The following DPY19L3 variants were observed in gnomAD, a reference collection of about 807,000 sequenced individuals.
DPY19L3 encodes protein C-mannosyl-transferase DPY19L3.
DPY19L3 carries 51 observed loss-of-function variants against 92.3 expected under a neutral mutation model. The ratio of observed to expected loss-of-function variants is 0.55; its 90% CI spans 0.44 to 0.70. The LOEUF is 0.70. Ranked by LOEUF, DPY19L3 falls within the 30% of genes least tolerant of loss-of-function variation. DPY19L3 has a pLI of 0.00. For missense variants in DPY19L3, 706 were observed against 855.9 expected (o/e 0.82, Z 2.18); for synonymous variants, 309 against 315.2 (o/e 0.98, Z 0.21).
At chr19:32,431,912 C>A (rs1029063909) in intron 3 of DPY19L3, among the ~76,000 whole-genome samples, 4 of 152,060 alleles carry the variant, frequency 2.6e-5, no homozygotes, top group African/African-American at 9.7e-5. Flanking sequence ...ACCATCAATA[C>A]GGTGAAAAAA....
chr19:32,441,362 CAT>C lies in DPY19L3; in HGVS notation c.855+1454_855+1455del, dbSNP rs758479600. Among the ~76,000 whole-genome samples, 44 of 151,934 alleles carry C rather than the reference CAT, an allele frequency of 2.9e-4. 1 individual carries two copies. Among genetic ancestry groups the C allele is most frequent in the South Asian group, 1.4e-3 (7 of 4,828 alleles). ...CCCATATTTTTTTGAAAAAGCGAAA[CAT>C]AGAGAAAATGAGTAAAGGTTCTGGA... On this transcript the variant is annotated intron_variant, in intron 8 of 18. Transcript: ENST00000392250.
At chr19:32,433,416 A>G (rs1969033007) in intron 4 of DPY19L3, among the ~76,000 whole-genome samples, 1 of 151,846 alleles carries the variant, frequency 6.6e-6, no homozygotes, top group Non-Finnish European at 1.5e-5. Context: ...TTCATAAATT[A>G]TTTTTTTGCT....
At chr19:32,432,639 G>A (rs1033366361) in intron 3 of DPY19L3, 77 bp from the exon 4 acceptor site, 28 of 1,225,428 alleles carry the variant, frequency 2.3e-5, no homozygotes, top group Non-Finnish European at 3.0e-5. Context: ...TTGCAGTTAT[G>A]TATCCTTTCT....
chr19:32,443,979 G>A (rs193183485), intron 8 of DPY19L3, among the ~76,000 whole-genome samples: 8 of 151,078 alleles, frequency 5.3e-5, no homozygotes, highest in Non-Finnish European at 1.0e-4. Flanking sequence ...TAGCTTGAGC[G>A]AGCCAAGATG....
intron 12 of DPY19L3, 89 bp downstream of exon 12, chr19:32,458,598 A>G (rs1969943118): frequency 7.6e-7 from 1 of 1,313,430 alleles, no homozygotes; most frequent in Admixed American, 2.1e-5. Context: ...TCAGAATATC[A>G]GACACAAGTA....
intron 3 of DPY19L3, among the ~76,000 whole-genome samples, chr19:32,430,445 G>T (rs527606580): frequency 6.6e-6 from 1 of 151,896 alleles, no homozygotes; most frequent in African/African-American, 2.4e-5. Context: ...ATTTCCCCAG[G>T]ATAAATTGGT....
chr19:32,469,559 A>G (rs972219622), intron 16 of DPY19L3, among the ~76,000 whole-genome samples: 2 of 152,126 alleles, frequency 1.3e-5, no homozygotes, highest in Non-Finnish European at 2.9e-5. Context: ...ATTATACTGT[A>G]AACTCCAGTT....
intron 8 of DPY19L3, among the ~76,000 whole-genome samples, chr19:32,443,665 C>T (rs926369470): frequency 2.0e-5 from 3 of 152,170 alleles, no homozygotes; most frequent in African/African-American, 7.2e-5. Flanking sequence ...TGTTAGATAA[C>T]AGCCTAAATG....
chr19:32,480,318 C>T, intron 17 of DPY19L3, 81 bp from the exon 18 acceptor site: 2 of 1,484,916 alleles, frequency 1.3e-6, no homozygotes, highest in African/African-American at 1.4e-5. Context: ...AGACTCAGCC[C>T]TGTGGAAGGT....
chr19:32,411,249 TAGA>T lies in DPY19L3; in HGVS notation c.118_120del (p.Arg40del), dbSNP rs780380808. ...CCATTTTTCCAAAAGGTTGTACCAG[TAGA>T]AGATTATGGAAGATTTTGTCATTGA... On this transcript the variant is annotated inframe_deletion, in exon 3 of 19. Transcript: ENST00000392250. 4 of 1,611,278 alleles carry T rather than the reference TAGA, an allele frequency of 2.5e-6. No homozygotes were observed. In the African/African-American group the frequency reaches 5.3e-5, roughly 22 times the overall value.
chr19:32,450,736 G>A (rs927760978), intron 8 of DPY19L3, among the ~76,000 whole-genome samples: 2 of 152,132 alleles, frequency 1.3e-5, no homozygotes, highest in Non-Finnish European at 2.9e-5. Flanking sequence ...GATGGCTAGT[G>A]GATATGGGTT....
intron 3 of DPY19L3, among the ~76,000 whole-genome samples, chr19:32,419,257 T>G: frequency 6.7e-6 from 1 of 149,570 alleles, no homozygotes; most frequent in Non-Finnish European, 1.5e-5. Flanking sequence ...ACCTCCCGGG[T>G]TCGCGCCATT....
intron 8 of DPY19L3, among the ~76,000 whole-genome samples, chr19:32,451,759 C>G (rs1969707199): frequency 6.6e-6 from 1 of 152,092 alleles, no homozygotes; most frequent in Non-Finnish European, 1.5e-5. Flanking sequence ...TTGGTATCAA[C>G]CTATCAATAA....
At chr19:32,459,566 C>T (rs1372228098) in intron 12 of DPY19L3, among the ~76,000 whole-genome samples, 1 of 152,058 alleles carries the variant, frequency 6.6e-6, no homozygotes, top group African/African-American at 2.4e-5. Context: ...AAAATTTAGC[C>T]CTGTGAAAAT....
At chr19:32,475,754 T>C (rs1970487446) in intron 16 of DPY19L3, among the ~76,000 whole-genome samples, 1 of 152,212 alleles carries the variant, frequency 6.6e-6, no homozygotes, top group South Asian at 2.1e-4. Flanking sequence ...CCTCTGACCA[T>C]GTGGGACAGA....
chr19:32,439,797 T>G lies in DPY19L3; in HGVS notation c.742T>G (p.Phe248Val). 5 of 1,613,780 alleles carry G rather than the reference T, an allele frequency of 3.1e-6. No homozygotes were observed. The highest frequency in any genetic ancestry group is 4.2e-6 in the Non-Finnish European group (5 of 1,179,752). Reference protein sequence around the residue: ...LSERLTLLAIFISTFLFSLTW... With the variant: ...LSERLTLLAIVISTFLFSLTW... ...ACAGAGGCTGACACTTCTTGCCATT[T>G]TCATATCAACTTTTCTCTTTAGTCT... Residue 248 changes from phenylalanine (F) to valine (V), a missense_variant, in exon 8 of 19, where the codon TTC becomes GTC. Phe to Val is a conservative substitution (Grantham distance 50). Transcript: ENST00000392250.
chr19:32,420,516 C>T (rs890492390), intron 3 of DPY19L3, among the ~76,000 whole-genome samples: 2 of 152,022 alleles, frequency 1.3e-5, no homozygotes, highest in Middle Eastern at 3.4e-3. Flanking sequence ...GTAGTCTTGG[C>T]TCACTGCAAC....
At chr19:32,418,092 A>G (rs923502697) in intron 3 of DPY19L3, among the ~76,000 whole-genome samples, 1 of 152,198 alleles carries the variant, frequency 6.6e-6, no homozygotes, top group African/African-American at 2.4e-5. Context: ...GAGAAAGGAA[A>G]GAGAACCTGG....
chr19:32,456,267 GT>G (rs1185167997), intron 10 of DPY19L3, among the ~76,000 whole-genome samples: 1 of 151,806 alleles, frequency 6.6e-6, no homozygotes, highest in Non-Finnish European at 1.5e-5. Flanking sequence ...TAGAGACAAG[GT>G]TTTGCTGTGT....
Sources: allele counts gnomAD v4.1 joint callset (sites outside exome capture counted in the v4.1 genomes callset), GRCh38; gene constraint gnomAD v4.1.1; transcripts MANE v1.5; gene names NCBI Gene and HGNC (gene_info 2026-07-23, HGNC 2026-07-21).